PCBP3: variants seen among roughly 807,000 people sequenced by gnomAD.
The protein encoded by PCBP3 is poly(rC) binding protein 3, also known as poly(rC)-binding protein 3.
Under a neutral mutation model 52.7 loss-of-function variants are expected in PCBP3, and 25 were observed. That is an observed-to-expected ratio of 0.47 (90% CI 0.35 to 0.66). The LOEUF (loss-of-function observed/expected upper bound fraction) is 0.66. PCBP3 is among the 30% of genes least tolerant of loss of function. PCBP3 has a pLI of 0.01. For missense variants in PCBP3, 391 were observed against 490.3 expected (o/e 0.80, Z 1.91); for synonymous variants, 162 against 183.0 (o/e 0.89, Z 0.93).
chr21:45,657,186 AT>A (rs1291908760), intron 1 of PCBP3, among the ~76,000 whole-genome samples: 3 of 151,752 alleles, frequency 2.0e-5, no homozygotes, highest in Non-Finnish European at 2.9e-5. Flanking sequence ...GCATTTATCT[AT>A]TTTTTTCTTT....
intron 4 of PCBP3, among the ~76,000 whole-genome samples, chr21:45,786,526 G>T (rs1361293204): frequency 6.6e-6 from 1 of 152,094 alleles, no homozygotes; most frequent in Non-Finnish European, 1.5e-5. Flanking sequence ...CCTGATCTCG[G>T]GTAATCTGCC....
intron 9 of PCBP3, among the ~76,000 whole-genome samples, chr21:45,901,771 A>G (rs2096063935): frequency 7.0e-6 from 1 of 142,910 alleles, no homozygotes; most frequent in African/African-American, 2.7e-5. Context: ...ACAGAGAGAG[A>G]GCGAGGGGGA....
chr21:45,918,083 A>T, intron 13 of PCBP3: 1 of 224,640 alleles, frequency 4.5e-6, no homozygotes, highest in Non-Finnish European at 8.9e-6. Flanking sequence ...TTCAGAGTCC[A>T]CATGAAAACA....
Position 45,918,250 on chromosome 21 carries a change from G to A in PCBP3, c.717+621G>A, listed in dbSNP as rs1006607997. On this transcript the variant is annotated intron_variant, in intron 13 of 17. Coordinates refer to ENST00000681687, the MANE Select transcript of PCBP3 (RefSeq NM_001384156.1). The stretch of plus-strand genomic sequence containing the variant: ...GTCCCATGCAGCTCCATGACCGGGG[G>A]CTCCGACACCTCTTTTCTGCTCCTG... 5 of 155,804 alleles carry A rather than the reference G, an allele frequency of 3.2e-5. No individual in the cohort carries two copies. The East Asian group carries it at 9.5e-4, about 29-fold the overall frequency. The allele number at this position is 155,804 out of a possible 1,614,324, so 9.7% of individuals were successfully genotyped here.
Position 45,930,787 on chromosome 21 carries a change from A to T in PCBP3, c.798A>T (p.Gly266=). The stretch of plus-strand genomic sequence containing the variant: ...ACCTGTCTCTTCTTTGCTCTCCAGG[A>T]GAAAAGCTGCCTTTACACTCCTCCG... ...PLGQTNPAFP[G]EKLPLHSSEE... The change falls in exon 15 of 18, where the codon GGA becomes GGT. Residue 266 remains glycine, a splice_region_variant and synonymous_variant. Coordinates refer to ENST00000681687, the MANE Select transcript of PCBP3 (RefSeq NM_001384156.1). 2 of 1,304,582 alleles carry T rather than the reference A, an allele frequency of 1.5e-6. No homozygotes were observed. The highest frequency in any genetic ancestry group is 2.2e-6 in the Non-Finnish European group (2 of 897,304). 80.8% of individuals were successfully genotyped at this position (1,304,582 alleles called of 1,614,324 possible).
At position 45,924,117 on chromosome 21, in the gene PCBP3, GGT is replaced by G. The variant is rs1443380521; in HGVS notation, c.718-5799_718-5798del. ...TGTGAACACCGGGAACAGTCGAGTG[GGT>G]AGAAACAGCACACGTAAGGTCGGGT... On this transcript the variant is annotated intron_variant, in intron 13 of 17. Transcript: ENST00000681687. Among the ~76,000 whole-genome samples, 132 of 103,818 alleles carry G rather than the reference GGT, an allele frequency of 1.3e-3. 21 individuals carry two copies. The highest frequency in any genetic ancestry group is 1.6e-3 in the African/African-American group (35 of 21,876). The allele number at this position is 103,818 out of a possible 152,430, so 68.1% of individuals were successfully genotyped here.
chr21:45,898,919 G>A (rs66861147), intron 6 of PCBP3, among the ~76,000 whole-genome samples: 13,101 of 57,128 alleles, frequency 0.23, 192 homozygotes, highest in African/African-American at 0.36. Flanking sequence ...CCCTCTGCAC[G>A]CCGTCCTCAC....
chr21:45,656,400 A>G lies in PCBP3; in HGVS notation c.-278-12474A>G, dbSNP rs1365650623. On this transcript the variant is annotated intron_variant, in intron 1 of 17. Transcript: ENST00000681687. This position sits in a 1 kb window ranked among gnomAD's most constrained non-coding sequence, Gnocchi z 4.3. ...CAGCAAACTAACACAAGAACAGAAA[A>G]CCAAACACCGCATGTTCTCACTCAT... Among the ~76,000 whole-genome samples, 1 of 152,160 alleles carries G rather than the reference A, an allele frequency of 6.6e-6. No homozygotes were observed. Among genetic ancestry groups the G allele is most frequent in the Admixed American group, 6.5e-5 (1 of 15,270 alleles).
At chr21:45,785,667 C>T (rs2091091301) in intron 4 of PCBP3, among the ~76,000 whole-genome samples, 1 of 152,188 alleles carries the variant, frequency 6.6e-6, no homozygotes, top group Non-Finnish European at 1.5e-5. Context: ...GCCATGATGA[C>T]AGTGGTGGTT....
chr21:45,683,532 A>G (rs2081971650), intron 2 of PCBP3, among the ~76,000 whole-genome samples: 1 of 152,240 alleles, frequency 6.6e-6, no homozygotes, highest in South Asian at 2.1e-4. Context: ...ACAAATATGT[A>G]TAATACTGCA....
intron 4 of PCBP3, among the ~76,000 whole-genome samples, chr21:45,825,299 G>A (rs950947532): frequency 2.6e-5 from 4 of 152,138 alleles, no homozygotes; most frequent in African/African-American, 4.8e-5. Flanking sequence ...TGGCTGCCTC[G>A]GCCACTGCTG....
intron 6 of PCBP3, 63 bp downstream of exon 6, chr21:45,896,425 A>G (rs2095827394): frequency 6.8e-7 from 1 of 1,462,714 alleles, no homozygotes; most frequent in African/African-American, 1.4e-5. Context: ...CCAGAGATGC[A>G]CTGCCCGGGC....
At chr21:45,716,139 C>T (rs1051147061) in intron 2 of PCBP3, among the ~76,000 whole-genome samples, 1 of 151,920 alleles carries the variant, frequency 6.6e-6, no homozygotes, top group African/African-American at 2.4e-5. Context: ...AATTAATTTT[C>T]GTATATAGTA....
At chr21:45,897,564 G>A (rs867215560) in intron 6 of PCBP3, among the ~76,000 whole-genome samples, 4 of 152,142 alleles carry the variant, frequency 2.6e-5, no homozygotes, top group Non-Finnish European at 5.9e-5. Context: ...CCATGACCAC[G>A]TGATTTGCTC....
At chr21:45,929,518 T>C (rs1042338391) in intron 13 of PCBP3, among the ~76,000 whole-genome samples, 3 of 152,224 alleles carry the variant, frequency 2.0e-5, no homozygotes, top group Admixed American at 6.5e-5. Flanking sequence ...TTTTAGTGAC[T>C]AGTGACTCGG....
intron 4 of PCBP3, among the ~76,000 whole-genome samples, chr21:45,783,436 A>AT (rs1426729094): frequency 6.6e-6 from 1 of 152,232 alleles, no homozygotes; most frequent in Non-Finnish European, 1.5e-5. Context: ...TCAACAGTAC[A>AT]TTTGCAACCT....
intron 3 of PCBP3, among the ~76,000 whole-genome samples, chr21:45,743,552 A>C (rs2146102245): frequency 6.6e-6 from 1 of 152,264 alleles, no homozygotes; most frequent in Non-Finnish European, 1.5e-5. Flanking sequence ...CTTGGAATAA[A>C]CCCCGTTAGG....
At chr21:45,669,799 G>GTA (rs1176723437) in intron 2 of PCBP3, among the ~76,000 whole-genome samples, 64 of 88,182 alleles carry the variant, frequency 7.3e-4, no homozygotes, top group African/African-American at 1.4e-3. Context: ...GTGTGTGTGT[G>GTA]TGTGTGTATA....
intron 9 of PCBP3, among the ~76,000 whole-genome samples, chr21:45,906,881 A>G (rs1302479199): frequency 5.9e-5 from 9 of 152,206 alleles, no homozygotes; most frequent in Admixed American, 5.2e-4. Flanking sequence ...AGGGAGAGAA[A>G]ACACGGCGGG....
Sources: allele counts gnomAD v4.1 joint callset (sites outside exome capture counted in the v4.1 genomes callset), GRCh38; gene constraint gnomAD v4.1.1; non-coding constraint Gnocchi (gnomAD v3.1); transcripts MANE v1.5; gene names NCBI Gene and HGNC (gene_info 2026-07-23, HGNC 2026-07-21).